NCAM2: variants seen among roughly 807,000 people sequenced by gnomAD.
NCAM2 encodes neural cell adhesion molecule 2, also known as N-CAM-2.
Under a neutral mutation model 98.1 loss-of-function variants are expected in NCAM2, and 30 were observed. The observed-to-expected ratio is 0.31, with a 90% CI of 0.23 to 0.41. The LOEUF (loss-of-function observed/expected upper bound fraction) is 0.41, where lower values mean the gene tolerates loss of function less well. NCAM2 is among the 10% of genes least tolerant of loss of function. The pLI is 1.00. For missense variants in NCAM2, 867 were observed against 1,005.8 expected, an observed-to-expected ratio of 0.86 and a Z score of 1.87; for synonymous variants, 368 against 342.4, an observed-to-expected ratio of 1.07 and a Z score of -0.83.
chr21:21,066,575 G>T (rs2065442146), intron 1 of NCAM2, among the ~76,000 whole-genome samples: 1 of 152,038 alleles, frequency 6.6e-6, no homozygotes, highest in African/African-American at 2.4e-5. Context: ...TACTATTGAT[G>T]CCTCTATGCG....
chr21:21,403,477 A>G (rs1243939087), intron 9 of NCAM2, among the ~76,000 whole-genome samples: 2 of 152,218 alleles, frequency 1.3e-5, no homozygotes, highest in African/African-American at 4.8e-5. Context: ...AGGTTGAGAC[A>G]TTCATCTTTT....
In NCAM2 at chr21:21,410,294, A is replaced by G. The variant is rs961723748; in HGVS notation, c.1216A>G (p.Asn406Asp). The G allele has an allele frequency of 1.3e-6, 2 of 1,567,726 alleles. No homozygotes were observed. The highest frequency in any genetic ancestry group is 2.7e-5 in the African/African-American group (2 of 72,904). The part of the protein sequence containing the change: ...DIEYAPKFIS[N>D]QTIYYSWEGN... ...TACAGATGCCCCCAAGTTTATATCA[A>G]ACCAAACAATTTATTACTCTTGGGA... Residue 406 changes from asparagine (N) to aspartate (D), a missense_variant, in exon 10 of 18, where the codon AAC (asparagine) becomes GAC (aspartate). Asn to Asp is a conservative substitution (Grantham distance 23). Transcript: ENST00000400546.
chr21:21,368,445 C>A (rs1434912769), intron 8 of NCAM2, among the ~76,000 whole-genome samples: 2 of 151,854 alleles, frequency 1.3e-5, no homozygotes, highest in Non-Finnish European at 2.9e-5. Flanking sequence ...CTCCCTCCCC[C>A]ACCATCTTAG....
At chr21:21,262,780 A>G (rs1356754368) in intron 1 of NCAM2, among the ~76,000 whole-genome samples, 1 of 152,094 alleles carries the variant, frequency 6.6e-6, no homozygotes, top group Admixed American at 6.6e-5. Context: ...AAATAAAGAT[A>G]TTTAATGGAC....
chr21:21,309,319 G>T (rs908255680), intron 5 of NCAM2, among the ~76,000 whole-genome samples: 1 of 151,290 alleles, frequency 6.6e-6, no homozygotes, highest in Non-Finnish European at 1.5e-5. Flanking sequence ...TTTTTTTCTA[G>T]AAATACAGAT....
intron 1 of NCAM2, among the ~76,000 whole-genome samples, chr21:21,073,601 C>A (rs2065618248): frequency 6.6e-6 from 1 of 152,144 alleles, no homozygotes; most frequent in South Asian, 2.1e-4. Flanking sequence ...TCTCTAAGAC[C>A]CTGCACATGC....
chr21:21,263,914 T>G (rs746398850), intron 1 of NCAM2, among the ~76,000 whole-genome samples: 1 of 151,814 alleles, frequency 6.6e-6, no homozygotes, highest in Admixed American at 6.6e-5. Context: ...CTAAAAGAAA[T>G]GTCCTTTGGG....
chr21:21,442,978 C>T (rs1032683756), intron 12 of NCAM2, among the ~76,000 whole-genome samples: 6 of 152,130 alleles, frequency 3.9e-5, no homozygotes, highest in South Asian at 4.2e-4. Context: ...TTTAACTATA[C>T]AAAAATTTTC....
intron 8 of NCAM2, among the ~76,000 whole-genome samples, chr21:21,346,719 G>A (rs2075199627): frequency 1.3e-5 from 2 of 151,850 alleles, no homozygotes; most frequent in African/African-American, 4.8e-5. Context: ...TTAATAATGA[G>A]GACTTTTTGA....
chr21:21,147,234 C>T, intron 1 of NCAM2: 1 of 985,314 alleles, frequency 1.0e-6, no homozygotes, highest in Non-Finnish European at 1.2e-6. Flanking sequence ...AGTCCGTACC[C>T]GGCATTTCAA....
chr21:21,472,994 GCA>G (rs936002594), intron 14 of NCAM2, among the ~76,000 whole-genome samples: 7 of 115,850 alleles, frequency 6.0e-5, no homozygotes, highest in African/African-American at 2.1e-4. Flanking sequence ...ACACACACAC[GCA>G]CACATACACA....
chr21:21,446,723 G>T (rs1242175548), intron 12 of NCAM2, among the ~76,000 whole-genome samples: 3 of 152,026 alleles, frequency 2.0e-5, no homozygotes, highest in African/African-American at 7.2e-5. Flanking sequence ...AAAAATTAAT[G>T]TGGAAAAGTC....
At chr21:21,146,139 G>A (rs535203781) in intron 1 of NCAM2, among the ~76,000 whole-genome samples, 1 of 152,220 alleles carries the variant, frequency 6.6e-6, no homozygotes, top group East Asian at 1.9e-4. Context: ...TAAAAGGTAA[G>A]ATTTTAGAAT....
chr21:21,230,196 T>G (rs1177966667), intron 1 of NCAM2, among the ~76,000 whole-genome samples: 1 of 151,168 alleles, frequency 6.6e-6, no homozygotes, highest in Non-Finnish European at 1.5e-5. Context: ...AATATTTAAT[T>G]TTTATTTATT....
chr21:21,336,957 C>T (rs1424546058), intron 7 of NCAM2, among the ~76,000 whole-genome samples: 1 of 152,050 alleles, frequency 6.6e-6, no homozygotes. Flanking sequence ...GTAGGCCAAG[C>T]TAAGAGCCTG....
rs567218021 is a variant in NCAM2 at position 21,110,571 on chromosome 21, C to T, written c.55+111953C>T. Among the ~76,000 whole-genome samples, 160 of 150,752 alleles carry T rather than the reference C, an allele frequency of 1.1e-3. 1 individual carries two copies. Among genetic ancestry groups the T allele is most frequent in the African/African-American group, 3.6e-3 (149 of 41,178 alleles). On this transcript the variant is annotated intron_variant, in intron 1 of 17. Coordinates refer to ENST00000400546, the MANE Select transcript of NCAM2 (RefSeq NM_004540.5). ...CCAGATTAATGCAACAAAATATGAA[C>T]AAAAAATAACTCATACAAGGCATTC...
chr21:21,029,411 T>A (rs2146214702), intron 1 of NCAM2, among the ~76,000 whole-genome samples: 1 of 152,288 alleles, frequency 6.6e-6, no homozygotes, highest in East Asian at 1.9e-4. Flanking sequence ...AATCCATACG[T>A]CCTTTTTTCT....
chr21:21,185,167 G>A (rs139422765), intron 1 of NCAM2, among the ~76,000 whole-genome samples: 2,076 of 152,210 alleles, frequency 0.014, 49 homozygotes, highest in African/African-American at 0.047. Context: ...TACAAAAACC[G>A]ATATTCACTA....
At chr21:21,465,574 TTAA>T (rs544926687) in intron 12 of NCAM2, among the ~76,000 whole-genome samples, 5 of 151,922 alleles carry the variant, frequency 3.3e-5, no homozygotes, top group Admixed American at 3.3e-4. Context: ...AGAAATAATA[TTAA>T]TAAATTATAT....
Sources: gnomAD v4.1 joint callset for allele counts (sites outside exome capture counted in the v4.1 genomes callset) on GRCh38, gnomAD v4.1.1 for gene constraint, MANE v1.5 for transcripts, NCBI Gene and HGNC (gene_info 2026-07-23, HGNC 2026-07-21) for gene names.